Variants in MPND observed in about 807,000 individuals in gnomAD.
MPND encodes MPN domain-containing protein.
MPND carries 56 observed loss-of-function variants against 59.2 expected under a neutral mutation model. The ratio of observed to expected loss-of-function variants is 0.95; its 90% CI spans 0.76 to 1.18. The LOEUF is 1.18. Among genes scored for constraint, MPND ranks in the 50% most tolerant of loss-of-function variants. The pLI is 0.00. For synonymous variants in MPND, 323 were observed against 291.9 expected (o/e 1.11, Z -1.09); for missense variants, 671 against 676.0 (o/e 0.99, Z 0.08).
At chr19:4,355,570 C>T (rs1023597442) in intron 8 of MPND, among the ~76,000 whole-genome samples, 4 of 152,140 alleles carry the variant, frequency 2.6e-5, no homozygotes, top group Non-Finnish European at 5.9e-5. Context: ...CCCCTGACCT[C>T]GTGATCTGCC....
chr19:4,359,571 C>T (rs1018965433), intron 12 of MPND, among the ~76,000 whole-genome samples: 10 of 152,186 alleles, frequency 6.6e-5, no homozygotes, highest in South Asian at 4.1e-4. Context: ...TTCCCTCCAC[C>T]TGGCATAGAA....
At chr19:4,343,680 C>T (rs923890126) in intron 1 of MPND, 28 bp from the exon 2 acceptor site, 3 of 1,017,872 alleles carry the variant, frequency 2.9e-6, no homozygotes, top group Admixed American at 5.2e-5. Context: ...GGGCGAGCGG[C>T]CTCCCTGCAG....
chr19:4,358,783 C>G (rs564129115), intron 11 of MPND, among the ~76,000 whole-genome samples: 1 of 152,276 alleles, frequency 6.6e-6, no homozygotes, highest in African/African-American at 2.4e-5. Context: ...TGAGACCCTA[C>G]CTCAAGGAAA....
intron 6 of MPND, chr19:4,354,642 G>A (rs1972394604): frequency 3.3e-6 from 2 of 598,368 alleles, no homozygotes; most frequent in Admixed American, 3.0e-5. Flanking sequence ...TGAGGCAGCG[G>A]GTCACCTGAA....
At position 4,355,155 on chromosome 19, in the gene MPND, A is replaced by G; in HGVS notation, c.978A>G (p.Ala326=). 6.2e-7 allele frequency: 1 copy of G among 1,613,240 alleles called. No individual in the cohort carries two copies. Among genetic ancestry groups the G allele is most frequent in the Non-Finnish European group, 8.5e-7 (1 of 1,179,972 alleles). The change falls in exon 8 of 13, where the codon GCA becomes GCG. Residue 326 remains alanine (A), a synonymous_variant. Transcript: ENST00000599840. ...CRSRLGDAET[A]AAIEEEIYQS... is the part of the protein sequence containing the mutation. Reference sequence around the variant, plus strand: ...GCCGGCTCGGGGACGCAGAGACTGCAGCTGCCATCGAAGAGGAGGTGAGGG... The same window carrying G: ...GCCGGCTCGGGGACGCAGAGACTGCGGCTGCCATCGAAGAGGAGGTGAGGG...
At chr19:4,353,413 G>A (rs1457780860) in intron 4 of MPND, among the ~76,000 whole-genome samples, 3 of 152,068 alleles carry the variant, frequency 2.0e-5, no homozygotes, top group Non-Finnish European at 4.4e-5. Flanking sequence ...GACTATAGGC[G>A]CCAGCCGCCA....
At position 4,344,189 on chromosome 19, in the gene MPND, T is replaced by C. The variant is rs139962989; in HGVS notation, c.294+195T>C. Reference sequence around the variant, plus strand: ...GGGCTCCGTTGACTGCAGGAAGAGCTCCAGTGTGAGGAGGGGAAACTGAGG... The same window carrying C: ...GGGCTCCGTTGACTGCAGGAAGAGCCCCAGTGTGAGGAGGGGAAACTGAGG... On this transcript the variant is annotated intron_variant, in intron 2 of 12. Coordinates refer to ENST00000599840, the MANE Select transcript of MPND (RefSeq NM_001300862.2). Among the ~76,000 whole-genome samples the C allele has an allele frequency of 9.1e-3, 1,263 of 139,340 alleles. 16 individuals are homozygous for C. The highest frequency in any genetic ancestry group is 0.034 in the African/African-American group (1,214 of 36,226). The allele number at this position is 139,340 out of a possible 152,430, so 91.4% of individuals were successfully genotyped here. A position where few individuals can be genotyped will look rare whatever the true frequency, so the allele number is the denominator to read the frequency against.
chr19:4,354,780 C>G (rs866153912), intron 6 of MPND, among the ~76,000 whole-genome samples, 169 bp from the exon 7 acceptor site: 7 of 152,210 alleles, frequency 4.6e-5, no homozygotes, highest in African/African-American at 7.2e-5. Context: ...AGGAGAATGG[C>G]TTGAACTGGG....
chr19:4,355,794 G>A (rs908465018), intron 8 of MPND, among the ~76,000 whole-genome samples: 4 of 151,646 alleles, frequency 2.6e-5, no homozygotes, highest in African/African-American at 7.3e-5. Context: ...TCTTGACCTC[G>A]TGATCTGCCC....
At chr19:4,354,551 T>C (rs147586556) in intron 6 of MPND, 131 bp downstream of exon 6, 15,684 of 747,720 alleles carry the variant, frequency 0.021, 225 homozygotes, top group Middle Eastern at 0.049. Flanking sequence ...TGGTACACTG[T>C]GGGTGCTCAA....
chr19:4,344,395 C>T (rs1177095076), intron 2 of MPND, among the ~76,000 whole-genome samples: 2 of 151,830 alleles, frequency 1.3e-5, no homozygotes, highest in Non-Finnish European at 2.9e-5. Flanking sequence ...GAGCTCCTTT[C>T]CTGCAGGAGG....
chr19:4,354,445 G>T (rs1228587548), intron 6 of MPND, 25 bp downstream of exon 6: 6 of 1,547,282 alleles, frequency 3.9e-6, no homozygotes, highest in Non-Finnish European at 5.3e-6. Context: ...CTGTCTAGGG[G>T]CAAGGGGCTC....
rs757907741 is a variant in MPND, at chr19:4,359,866, G to C, written c.1420-50G>C. 5 of 1,461,480 alleles carry C rather than the reference G, an allele frequency of 3.4e-6. No individual in the cohort carries two copies. The African/African-American group carries it at 7.0e-5, about 21-fold the overall frequency. 90.5% of individuals were successfully genotyped at this position (1,461,480 alleles called of 1,614,324 possible). The stretch of plus-strand genomic sequence containing the variant: ...TGCACGGTGGACTGTGAGGCGCAGG[G>C]CTGGCTAGGACCCCCGGGCACAGCC... On this transcript the variant is annotated intron_variant, in intron 12 of 12. Coordinates refer to ENST00000599840, the MANE Select transcript of MPND (RefSeq NM_001300862.2).
intron 11 of MPND, 97 bp from the exon 12 acceptor site, chr19:4,359,066 A>T: frequency 1.3e-6 from 1 of 774,164 alleles, no homozygotes; most frequent in Non-Finnish European, 2.3e-6. Context: ...TGATGGGGTC[A>T]TGTCTCAGGG....
intron 12 of MPND, 103 bp downstream of exon 12, chr19:4,359,358 G>T: frequency 1.2e-6 from 1 of 808,320 alleles, no homozygotes; most frequent in Non-Finnish European, 2.0e-6. Flanking sequence ...TCAGGGGCCT[G>T]AGACAGCCCA....
chr19:4,352,151 T>C (rs1972332614), intron 3 of MPND, among the ~76,000 whole-genome samples: 1 of 149,682 alleles, frequency 6.7e-6, no homozygotes, highest in African/African-American at 2.5e-5. Flanking sequence ...CCAGCCTGGG[T>C]GACAGAGTGA....
intron 3 of MPND, among the ~76,000 whole-genome samples, chr19:4,350,454 G>C (rs1056412763): frequency 6.6e-6 from 1 of 152,172 alleles, no homozygotes; most frequent in South Asian, 2.1e-4. Flanking sequence ...TAGACTGTCG[G>C]GGGTTAGGGT....
Position 4,344,012 on chromosome 19 carries a change from C to T in MPND, c.294+18C>T. 1 of 1,304,836 alleles carries T rather than the reference C, an allele frequency of 7.7e-7. No homozygotes were observed. Among genetic ancestry groups the T allele is most frequent in the Non-Finnish European group, 9.7e-7 (1 of 1,028,246 alleles). The allele number at this position is 1,304,836 out of a possible 1,614,324, so 80.8% of individuals were successfully genotyped here. On this transcript the variant is annotated intron_variant, in intron 2 of 12. Coordinates refer to ENST00000599840, the MANE Select transcript of MPND (RefSeq NM_001300862.2). ...ACTACCTGGTGAGCACCCCGCCTCC[C>T]TCGTCCCATCGCGGCTCGGGCAGGA...
At position 4,345,749 on chromosome 19, in the gene MPND, A is replaced by G. The variant is rs750572351; in HGVS notation, c.299A>G (p.Lys100Arg). ...GCCAGCTGACTGTCACTGCAGGGGA[A>G]GAAGTTCCTGGGCGACCTGCAGCCA... is the stretch of plus-strand genomic sequence containing the variant. ...AGVLSIYYLG[K>R]KFLGDLQPDG... The change falls in exon 3 of 13, where the codon AAG becomes AGG. Residue 100 changes from lysine to arginine, a missense_variant. Transcript: ENST00000599840. 1.2e-6 allele frequency: 2 copies of G among 1,613,682 alleles called. No individual in the cohort carries two copies. Among genetic ancestry groups the G allele is most frequent in the African/African-American group, 2.7e-5 (2 of 74,928 alleles).
Sources: allele counts gnomAD v4.1 joint callset (sites outside exome capture counted in the v4.1 genomes callset), GRCh38; gene constraint gnomAD v4.1.1; transcripts MANE v1.5; gene names NCBI Gene and HGNC (gene_info 2026-07-23, HGNC 2026-07-21).